Variants in CLNK observed in about 807,000 individuals in gnomAD.
CLNK encodes cytokine dependent hematopoietic cell linker.
A neutral mutation model predicts 68.6 loss-of-function variants in CLNK; 74 were observed. That is an observed-to-expected ratio of 1.08 (90% CI 0.89 to 1.31). The LOEUF is 1.31. Among genes scored for constraint, CLNK ranks in the 50% most tolerant of loss-of-function variants. The pLI, the probability that CLNK is intolerant of heterozygous loss-of-function variation, is 0.00. For missense variants in CLNK, 553 were observed against 515.3 expected (o/e 1.07, Z -0.71); for synonymous variants, 198 against 172.2 (o/e 1.15, Z -1.17).
chr4:10,513,080 A>G (rs774618735), intron 16 of CLNK, among the ~76,000 whole-genome samples: 36 of 152,292 alleles, frequency 2.4e-4, no homozygotes, highest in South Asian at 6.2e-4. Flanking sequence ...AACTGAAATG[A>G]GTGTGTAATA....
At chr4:10,558,332 TA>T in intron 8 of CLNK, 74 bp downstream of exon 8, 1 of 1,224,800 alleles carries the variant, frequency 8.2e-7, no homozygotes, top group Non-Finnish European at 1.2e-6. Flanking sequence ...CCACAAACAG[TA>T]ATGCGAGAGG....
At chr4:10,715,037 TTTTA>T in the CLNK span, among the ~76,000 whole-genome samples, 29 of 152,194 alleles carry the variant, frequency 1.9e-4, no homozygotes, top group African/African-American at 6.3e-4. Flanking sequence ...TATGACTATA[TTTTA>T]TTTTTTAAGG....
intron 1 of CLNK, among the ~76,000 whole-genome samples, chr4:10,681,821 C>T (rs941288606): frequency 1.3e-5 from 2 of 152,106 alleles, no homozygotes; most frequent in Non-Finnish European, 2.9e-5. Flanking sequence ...TCATTTCTGG[C>T]ATATCCTCCT....
At chr4:10,614,067 T>C (rs887630548) in intron 2 of CLNK, among the ~76,000 whole-genome samples, 10 of 152,208 alleles carry the variant, frequency 6.6e-5, no homozygotes, top group Non-Finnish European at 1.5e-4. Flanking sequence ...CCTCTCCACA[T>C]TGAAATTTCT....
At chr4:10,517,960 A>G (rs1717905952) in intron 15 of CLNK, among the ~76,000 whole-genome samples, 1 of 152,164 alleles carries the variant, frequency 6.6e-6, no homozygotes, top group African/African-American at 2.4e-5. Flanking sequence ...CACTATAAGT[A>G]TTTAGTTGAT....
Position 10,488,806 on chromosome 4 carries a change from C to G in CLNK, c.*1661G>C, listed in dbSNP as rs1033795249. 1 of 152,182 alleles carries G rather than the reference C, an allele frequency of 6.6e-6. No individual in the cohort carries two copies. The highest frequency in any genetic ancestry group is 1.5e-5 in the Non-Finnish European group (1 of 68,036). 9.4% of individuals were successfully genotyped at this position (152,182 alleles called of 1,614,324 possible). On this transcript the variant is annotated 3_prime_UTR_variant, in exon 19 of 19. Transcript: ENST00000226951. ...CTGCTGTCTTACAAAAGAGATAATC[C>G]TGCACATTGTTTTTATTGTTTTCAT...
chr4:10,615,706 T>C (rs1332811284), intron 2 of CLNK, among the ~76,000 whole-genome samples: 1 of 152,228 alleles, frequency 6.6e-6, no homozygotes. Context: ...CTGGTTACTT[T>C]ACCTGTCTTT....
intron 2 of CLNK, among the ~76,000 whole-genome samples, chr4:10,642,523 A>G (rs960935812): frequency 2.6e-5 from 4 of 152,178 alleles, no homozygotes; most frequent in Admixed American, 2.6e-4. Flanking sequence ...AGCAGGGAGG[A>G]AAGAATGAGG....
intron 18 of CLNK, among the ~76,000 whole-genome samples, chr4:10,499,664 C>T (rs562428688): frequency 3.9e-5 from 6 of 152,282 alleles, no homozygotes; most frequent in East Asian, 1.9e-4. Flanking sequence ...TCAAGGCTAC[C>T]GTAACTAAGC....
chr4:10,625,223 G>A (rs566387453), intron 2 of CLNK, among the ~76,000 whole-genome samples: 1 of 152,338 alleles, frequency 6.6e-6, no homozygotes, highest in African/African-American at 2.4e-5. Flanking sequence ...CAAGATTTGA[G>A]CCTTGCTGTG....
chr4:10,546,268 C>A (rs951975374), intron 8 of CLNK, among the ~76,000 whole-genome samples: 34 of 152,318 alleles, frequency 2.2e-4, no homozygotes, highest in Non-Finnish European at 2.5e-4. Context: ...TAAATTATTT[C>A]TCTGCTCTGA....
intron 2 of CLNK, among the ~76,000 whole-genome samples, chr4:10,617,244 T>C (rs1722271946): frequency 2.6e-5 from 4 of 152,214 alleles, no homozygotes; most frequent in Non-Finnish European, 2.9e-5. Flanking sequence ...CCTTGCTTAA[T>C]ATGCTAATGT....
At chr4:10,656,345 A>G (rs2108885876) in intron 2 of CLNK, among the ~76,000 whole-genome samples, 1 of 151,806 alleles carries the variant, frequency 6.6e-6, no homozygotes, top group East Asian at 1.9e-4. Context: ...AAAAAAAAAA[A>G]AAAAAAATCT....
intron 2 of CLNK, among the ~76,000 whole-genome samples, chr4:10,614,662 A>G (rs2720356): frequency 0.7 from 105,811 of 152,144 alleles, 37,663 homozygotes; most frequent in East Asian, 0.77. Flanking sequence ...GAGGCCACGG[A>G]ATCTGTGTGC....
At chr4:10,499,176 T>A (rs528891031) in intron 18 of CLNK, among the ~76,000 whole-genome samples, 68 of 152,170 alleles carry the variant, frequency 4.5e-4, no homozygotes, top group African/African-American at 1.6e-3. Context: ...CTAAAAAAAA[T>A]CAAATGTTTA....
the CLNK span, among the ~76,000 whole-genome samples, chr4:10,731,385 C>T: frequency 6.6e-6 from 1 of 152,220 alleles, no homozygotes; most frequent in Non-Finnish European, 1.5e-5. Flanking sequence ...CCTCCAGTCT[C>T]ATGCCACCGG....
At chr4:10,605,325 A>G (rs993116257) in intron 2 of CLNK, among the ~76,000 whole-genome samples, 8 of 152,178 alleles carry the variant, frequency 5.3e-5, no homozygotes, top group African/African-American at 1.7e-4. Flanking sequence ...TTGTGTGAAC[A>G]TCGTAGAGTG....
the CLNK span, chr4:10,697,321 T>G: frequency 6.6e-6 from 1 of 152,012 alleles, no homozygotes; most frequent in Non-Finnish European, 1.5e-5. Flanking sequence ...ACATCCGGAG[T>G]TCAGAGACAT....
intron 11 of CLNK, among the ~76,000 whole-genome samples, chr4:10,538,254 A>G (rs1164249962): frequency 2.0e-5 from 3 of 152,082 alleles, no homozygotes; most frequent in Non-Finnish European, 4.4e-5. Flanking sequence ...CTCAGTCTCC[A>G]GAGTAGCTGG....
Sources: gnomAD v4.1 joint callset for allele counts (sites outside exome capture counted in the v4.1 genomes callset) on GRCh38, gnomAD v4.1.1 for gene constraint, MANE v1.5 for transcripts, NCBI Gene and HGNC (gene_info 2026-07-23, HGNC 2026-07-21) for gene names.